Variants in XRCC5 observed in about 807,000 individuals in gnomAD.
XRCC5 encodes DNA repair protein Ku80.
XRCC5 carries 12 observed loss-of-function variants against 95.7 expected under a neutral mutation model. The ratio of observed to expected loss-of-function variants is 0.13; its 90% CI spans 0.08 to 0.20. XRCC5 has a LOEUF of 0.20. Ranked by LOEUF, XRCC5 falls within the 10% of genes least tolerant of loss-of-function variation. The probability of loss-of-function intolerance (pLI) is 1.00; values close to 1 mark genes in which losing one functional copy is unlikely to be tolerated. For synonymous variants in XRCC5, 281 were observed against 290.3 expected (o/e 0.97, Z 0.33); for missense variants, 595 against 873.9 (o/e 0.68, Z 4.02).
chr2:216,138,597 G>A (rs924788045), intron 12 of XRCC5, among the ~76,000 whole-genome samples: 2 of 152,132 alleles, frequency 1.3e-5, no homozygotes, highest in Non-Finnish European at 2.9e-5. Flanking sequence ...CCCTGTTTTT[G>A]TAGTTTGCAC....
chr2:216,162,190 G>T, intron 16 of XRCC5, 142 bp downstream of exon 16: 1 of 753,214 alleles, frequency 1.3e-6, no homozygotes. Flanking sequence ...CCCTTGTTAG[G>T]GAGCTCACTG....
chr2:216,111,631 C>A (rs960167659), intron 1 of XRCC5, among the ~76,000 whole-genome samples: 5 of 152,196 alleles, frequency 3.3e-5, no homozygotes, highest in African/African-American at 1.2e-4. Flanking sequence ...ATCATGTATT[C>A]TTCAGATTCT....
Position 216,187,568 on chromosome 2 carries a change from G to A in XRCC5, c.1835-2657G>A, listed in dbSNP as rs868865706. Among the ~76,000 whole-genome samples, 30 of 140,366 alleles carry A rather than the reference G, an allele frequency of 2.1e-4. No homozygotes were observed. In the Middle Eastern group the frequency reaches 0.013, roughly 60 times the overall value. The allele number at this position is 140,366 out of a possible 152,430, so 92.1% of individuals were successfully genotyped here. A position where few individuals can be genotyped will look rare whatever the true frequency, so the allele number is the denominator to read the frequency against. ...ATGAGTCAGGAAGCTGGTTGTTTTG[G>A]TTTTTTGTTTTGCTTTGTTTTTTCG... On this transcript the variant is annotated intron_variant, in intron 16 of 20. Transcript: ENST00000392132.
intron 16 of XRCC5, among the ~76,000 whole-genome samples, chr2:216,179,088 A>G (rs1449108031): frequency 2.6e-5 from 4 of 152,228 alleles, no homozygotes; most frequent in South Asian, 2.1e-4. Flanking sequence ...GTGGAAGTTT[A>G]TCCTTGCAGT....
At position 216,192,674 on chromosome 2, in the gene XRCC5, A is replaced by G; in HGVS notation, c.1980A>G (p.Lys660=). 5 of 1,600,976 alleles carry G rather than the reference A, an allele frequency of 3.1e-6. No homozygotes were observed. The highest frequency in any genetic ancestry group is 4.3e-6 in the Non-Finnish European group (5 of 1,173,026). The part of the protein sequence containing the change: ...SEEQRFNNFL[K]ALQEKVEIKQ... ...AGCAGCGCTTTAACAACTTCCTGAA[A>G]GCCCTTCAAGAGAAAGTGGAAATTA... Residue 660 remains lysine (K), a synonymous_variant, in exon 18 of 21, where the codon AAA becomes AAG. Coordinates refer to ENST00000392132, the MANE Select transcript of XRCC5 (RefSeq NM_021141.4).
intron 7 of XRCC5, among the ~76,000 whole-genome samples, chr2:216,126,940 A>G (rs1029117529): frequency 6.6e-6 from 1 of 152,006 alleles, no homozygotes; most frequent in Non-Finnish European, 1.5e-5. Context: ...CTATGATAAA[A>G]TGTATAGTCC....
intron 2 of XRCC5, among the ~76,000 whole-genome samples, chr2:216,113,759 C>T (rs1297072925): frequency 6.6e-6 from 1 of 152,182 alleles, no homozygotes; most frequent in Non-Finnish European, 1.5e-5. Flanking sequence ...TGGGGCTGTC[C>T]GTTAGAATCT....
Position 216,171,846 on chromosome 2 carries a change from TATTA to T in XRCC5, c.1834+9802_1834+9805del, listed in dbSNP as rs1334981007. Among the ~76,000 whole-genome samples the T allele has an allele frequency of 2.0e-4, 30 of 152,380 alleles. 1 individual carries two copies. The highest frequency in any genetic ancestry group is 6.2e-4 in the South Asian group (3 of 4,830). On this transcript the variant is annotated intron_variant, in intron 16 of 20. Transcript: ENST00000392132. ...ACAAGTCTCTTAGATAAATTGCACT[TATTA>T]ATTCTACTTTTTAAAATAGCTTTAT...
intron 16 of XRCC5, among the ~76,000 whole-genome samples, chr2:216,189,859 G>T (rs1689582008): frequency 6.6e-6 from 1 of 152,144 alleles, no homozygotes; most frequent in African/African-American, 2.4e-5. Flanking sequence ...AATAGGAAAG[G>T]CAGTTTTGAA....
rs546177144 is a variant in XRCC5, at chr2:216,184,021, A to G, written c.1835-6204A>G. ...AAGCAGAAAGAAGGGTGTTTAAGAA[A>G]TAAGTCAGCACTGTGTGTGTGTGTG... On this transcript the variant is annotated intron_variant, in intron 16 of 20. Transcript: ENST00000392132. 2.8e-5 allele frequency among the ~76,000 whole-genome samples: 4 copies of G among 141,526 alleles called. No individual in the cohort carries two copies. In the East Asian group the frequency reaches 7.9e-4, roughly 28 times the overall value. The allele number at this position is 141,526 out of a possible 152,430, so 92.8% of individuals were successfully genotyped here.
At chr2:216,147,133 C>G (rs1688651113) in intron 13 of XRCC5, among the ~76,000 whole-genome samples, 1 of 151,880 alleles carries the variant, frequency 6.6e-6, no homozygotes, top group South Asian at 2.1e-4. Flanking sequence ...GGGAAGGCCT[C>G]TCTGCGGAGA....
intron 5 of XRCC5, 105 bp from the exon 6 acceptor site, chr2:216,121,957 G>A: frequency 9.4e-7 from 1 of 1,067,606 alleles, no homozygotes; most frequent in Non-Finnish European, 1.3e-6. Context: ...TGACAGATGA[G>A]AAATTTGAAA....
intron 16 of XRCC5, among the ~76,000 whole-genome samples, chr2:216,163,367 G>T (rs904498193): frequency 6.6e-6 from 1 of 152,060 alleles, no homozygotes; most frequent in Admixed American, 6.6e-5. Flanking sequence ...CCAGGCTGGA[G>T]TGCAGTGGTG....
In XRCC5 at chr2:216,111,710, TCA is replaced by T. The variant is rs368993320; in HGVS notation, c.22-1303_22-1302del. ...TGGTAAGATGTTAGCCCAGAACTGC[TCA>T]CAGTTTGTTTGATCGGTACAAAGCA... On this transcript the variant is annotated intron_variant, in intron 1 of 20. Transcript: ENST00000392132. 2.2e-4 allele frequency among the ~76,000 whole-genome samples: 33 copies of T among 152,344 alleles called. No homozygotes were observed. In the East Asian group the frequency reaches 5.0e-3, roughly 23 times the overall value.
At chr2:216,140,448 G>A (rs758007285) in intron 12 of XRCC5, among the ~76,000 whole-genome samples, 13 of 152,158 alleles carry the variant, frequency 8.5e-5, no homozygotes, top group Non-Finnish European at 1.2e-4. Flanking sequence ...ATTGCCTTTC[G>A]TCCATATTGC....
At chr2:216,182,784 TG>T (rs1447518455) in intron 16 of XRCC5, among the ~76,000 whole-genome samples, 1 of 152,238 alleles carries the variant, frequency 6.6e-6, no homozygotes, top group Non-Finnish European at 1.5e-5. Flanking sequence ...GCATGTTCTT[TG>T]GTCTTTAGTT....
At chr2:216,191,413 C>CTTT (rs1243143534) in intron 17 of XRCC5, among the ~76,000 whole-genome samples, 1 of 145,812 alleles carries the variant, frequency 6.9e-6, no homozygotes, top group African/African-American at 2.5e-5. Context: ...TTTTCTTTTC[C>CTTT]TTTTTTTTTT....
chr2:216,129,108 G>A (rs755547049), intron 8 of XRCC5, among the ~76,000 whole-genome samples: 2 of 152,226 alleles, frequency 1.3e-5, no homozygotes, highest in Non-Finnish European at 2.9e-5. Flanking sequence ...ACTGGTTGTA[G>A]GATGGATTGG....
intron 8 of XRCC5, 195 bp from the exon 9 acceptor site, chr2:216,130,680 T>C: frequency 2.0e-6 from 1 of 495,288 alleles, no homozygotes; most frequent in Non-Finnish European, 3.5e-6. Context: ...ATCTCTATAT[T>C]GTATGTGTGG....
Sources: allele counts gnomAD v4.1 joint callset (sites outside exome capture counted in the v4.1 genomes callset), GRCh38; gene constraint gnomAD v4.1.1; transcripts MANE v1.5; gene names NCBI Gene and HGNC (gene_info 2026-07-23, HGNC 2026-07-21).